ZNF385D: variants seen among roughly 807,000 people sequenced by gnomAD.
The protein encoded by ZNF385D is zinc finger protein 659.
Under a neutral mutation model 35.8 loss-of-function variants are expected in ZNF385D, and 15 were observed. That is an observed-to-expected ratio of 0.42 (90% CI 0.28 to 0.64). ZNF385D has a LOEUF of 0.64. Ranked by LOEUF, ZNF385D falls within the 30% of genes least tolerant of loss-of-function variation. The pLI, the probability that ZNF385D is intolerant of heterozygous loss-of-function variation, is 0.23. For missense variants in ZNF385D, 474 were observed against 494.6 expected (o/e 0.96, Z 0.39); for synonymous variants, 212 against 186.8 (o/e 1.13, Z -1.10).
intron 3 of ZNF385D, among the ~76,000 whole-genome samples, chr3:22,103,955 T>C (rs894871223): frequency 2.0e-5 from 3 of 152,066 alleles, no homozygotes; most frequent in African/African-American, 7.2e-5. Context: ...CAGTCTTGAG[T>C]TGTATAAAAG....
At chr3:22,237,513 A>C (rs12489776) in intron 2 of ZNF385D, among the ~76,000 whole-genome samples, 62 of 152,230 alleles carry the variant, frequency 4.1e-4, no homozygotes, top group Middle Eastern at 3.4e-3. Flanking sequence ...ATGTAGTCCA[A>C]TTTATCTACT....
intron 3 of ZNF385D, among the ~76,000 whole-genome samples, chr3:21,815,815 C>A (rs2073122395): frequency 6.6e-6 from 1 of 152,096 alleles, no homozygotes; most frequent in Admixed American, 6.5e-5. Flanking sequence ...AGGAAATCCT[C>A]CCTAACTCAT....
intron 2 of ZNF385D, among the ~76,000 whole-genome samples, chr3:22,365,822 G>A (rs1287980372): frequency 6.6e-6 from 1 of 152,050 alleles, no homozygotes; most frequent in East Asian, 1.9e-4. Flanking sequence ...TCTGAAAGAG[G>A]TGAAAAGATA....
intron 3 of ZNF385D, among the ~76,000 whole-genome samples, chr3:21,952,890 T>C (rs1192041685): frequency 6.6e-6 from 1 of 152,032 alleles, no homozygotes; most frequent in Non-Finnish European, 1.5e-5. Context: ...GTAGAATTGC[T>C]AGTTACACGA....
intron 3 of ZNF385D, among the ~76,000 whole-genome samples, chr3:22,075,329 G>A (rs368584583): frequency 1.6e-4 from 24 of 151,896 alleles, no homozygotes; most frequent in South Asian, 8.3e-4. Context: ...GAGGCCTAAT[G>A]TGCAATCACC....
intron 3 of ZNF385D, among the ~76,000 whole-genome samples, chr3:21,973,801 T>C (rs1703422592): frequency 1.3e-5 from 2 of 151,768 alleles, no homozygotes; most frequent in African/African-American, 4.8e-5. Context: ...CTGAAAAACA[T>C]ATCAAAAAAC....
At chr3:21,652,707 G>C (rs1420544079) in intron 2 of ZNF385D, among the ~76,000 whole-genome samples, 2 of 144,134 alleles carry the variant, frequency 1.4e-5, no homozygotes, top group Non-Finnish European at 3.0e-5. Flanking sequence ...TCCCACCTAT[G>C]AGTGAGAACA....
At chr3:21,839,463 T>C (rs755054361) in intron 3 of ZNF385D, among the ~76,000 whole-genome samples, 4 of 152,078 alleles carry the variant, frequency 2.6e-5, no homozygotes, top group Non-Finnish European at 4.4e-5. Context: ...TCCTAAACTA[T>C]GTCCAGTTCC....
Position 21,418,760 on chromosome 3 carries a change from T to A in ZNF385D, c.*2454A>T, listed in dbSNP as rs1339341684. The A allele has an allele frequency of 2.0e-5, 3 of 152,192 alleles. No homozygotes were observed. Among genetic ancestry groups the A allele is most frequent in the Non-Finnish European group, 2.9e-5 (2 of 68,032 alleles). 9.4% of individuals were successfully genotyped at this position (152,192 alleles called of 1,614,324 possible). ...GAGACTGCTTTAATTAACACTAAGT[T>A]ATCTAACAGAAAGTGAGGCTGTATC... On this transcript the variant is annotated 3_prime_UTR_variant, in exon 8 of 8. Coordinates refer to ENST00000281523, the MANE Select transcript of ZNF385D (RefSeq NM_024697.3).
intron 3 of ZNF385D, among the ~76,000 whole-genome samples, chr3:21,848,355 A>G (rs1306000940): frequency 6.6e-6 from 1 of 151,992 alleles, no homozygotes; most frequent in Non-Finnish European, 1.5e-5. Flanking sequence ...TACTTCGGAT[A>G]AATATTTAGA....
chr3:21,782,122 A>G (rs2071513665), intron 3 of ZNF385D, among the ~76,000 whole-genome samples: 1 of 152,006 alleles, frequency 6.6e-6, no homozygotes, highest in African/African-American at 2.4e-5. Flanking sequence ...TTTTAGCATA[A>G]TTCATTCAGA....
Position 21,413,046 on chromosome 3 carries a change from A to C in ZNF385D, c.*8168T>G, listed in dbSNP as rs1337188330. The stretch of plus-strand genomic sequence containing the variant: ...ATTATTATTATTACTTTTTTTCAAG[A>C]AAAAATAGTACTTTACTGGTATACA... On this transcript the variant is annotated 3_prime_UTR_variant, in exon 8 of 8. Transcript: ENST00000281523. The C allele has an allele frequency of 6.6e-6, 1 of 151,930 alleles. No homozygotes were observed. Among genetic ancestry groups the C allele is most frequent in the Non-Finnish European group, 1.5e-5 (1 of 67,940 alleles). The allele number at this position is 151,930 out of a possible 1,614,324, so 9.4% of individuals were successfully genotyped here.
Position 21,805,258 on chromosome 3 carries a change from TGA to T in ZNF385D, c.326-140232_326-140231del, listed in dbSNP as rs534170474. 8.5e-5 allele frequency among the ~76,000 whole-genome samples: 13 copies of T among 152,286 alleles called. No individual in the cohort carries two copies. The South Asian group carries it at 1.0e-3, about 12-fold the overall frequency. On this transcript the variant is annotated intron_variant, in intron 3 of 5. Coordinates refer to the ZNF385D transcript ENST00000494108. ...ATTAGATTAATTCAAATTAGGGTAG[TGA>T]GAGAGAATATATATGTGTAAATAGT...
chr3:21,518,225 T>A (rs957990881), intron 3 of ZNF385D, among the ~76,000 whole-genome samples: 54 of 152,270 alleles, frequency 3.5e-4, no homozygotes, highest in Admixed American at 1.1e-3. Flanking sequence ...TATCGATTTT[T>A]TTTTCCTTAA....
At chr3:22,012,340 C>T (rs181427080) in intron 3 of ZNF385D, among the ~76,000 whole-genome samples, 47 of 152,160 alleles carry the variant, frequency 3.1e-4, no homozygotes, top group Admixed American at 1.2e-3. Context: ...AATGTTTGGT[C>T]GATCCTAAGG....
At chr3:22,262,640 G>T (rs1002094426) in intron 2 of ZNF385D, among the ~76,000 whole-genome samples, 1 of 151,702 alleles carries the variant, frequency 6.6e-6, no homozygotes, top group Non-Finnish European at 1.5e-5. Flanking sequence ...TCGATTTAGA[G>T]TCTAAATTTT....
intron 3 of ZNF385D, among the ~76,000 whole-genome samples, chr3:22,036,153 G>A (rs1326268548): frequency 6.6e-6 from 1 of 152,134 alleles, no homozygotes; most frequent in Non-Finnish European, 1.5e-5. Context: ...GGTTATAACA[G>A]TAGAAGTTAT....
At chr3:21,693,301 C>A (rs1418835558) in intron 1 of ZNF385D, among the ~76,000 whole-genome samples, 1 of 152,166 alleles carries the variant, frequency 6.6e-6, no homozygotes, top group African/African-American at 2.4e-5. Flanking sequence ...AGACTATTGT[C>A]CACAGCAACG....
At chr3:21,935,422 A>T (rs942137793) in intron 3 of ZNF385D, among the ~76,000 whole-genome samples, 21 of 152,114 alleles carry the variant, frequency 1.4e-4, no homozygotes, top group Non-Finnish European at 2.6e-4. Context: ...ACAATGAAGA[A>T]ATTGGGACAT....
Sources: gnomAD v4.1 joint callset for allele counts (sites outside exome capture counted in the v4.1 genomes callset) on GRCh38, gnomAD v4.1.1 for gene constraint, MANE v1.5 for transcripts, NCBI Gene and HGNC (gene_info 2026-07-23, HGNC 2026-07-21) for gene names.